Variants in CCDC146 observed in about 807,000 individuals in gnomAD.
CCDC146 encodes the protein coiled-coil domain-containing protein 146.
Under a neutral mutation model 119.3 loss-of-function variants are expected in CCDC146, and 92 were observed. The ratio of observed to expected loss-of-function variants is 0.77; its 90% CI spans 0.65 to 0.92. The LOEUF (loss-of-function observed/expected upper bound fraction) is 0.92, where lower values mean the gene tolerates loss of function less well. CCDC146 is among the 40% of genes least tolerant of loss of function. CCDC146 has a pLI of 0.00. For missense variants in CCDC146, 1,000 were observed against 1,103.0 expected, an observed-to-expected ratio of 0.91 and a Z score of 1.32; for synonymous variants, 372 against 371.8, an observed-to-expected ratio of 1.00 and a Z score of -0.01.
At position 77,192,908 on chromosome 7, in the gene CCDC146, G is replaced by A. The variant is rs142502501; in HGVS notation, c.156+25084G>A. On this transcript the variant is annotated intron_variant, in intron 2 of 18. Transcript: ENST00000285871. Reference sequence around the variant, plus strand: ...ATTGCACTCCAGCCTGGGCGACAGAGTGAGACTCCGTCTCTAAAAAAAATA... The same window carrying A: ...ATTGCACTCCAGCCTGGGCGACAGAATGAGACTCCGTCTCTAAAAAAAATA... 9.3e-3 allele frequency among the ~76,000 whole-genome samples: 1,412 copies of A among 152,178 alleles called. 17 individuals are homozygous for A. Among genetic ancestry groups the A allele is most frequent in the African/African-American group, 0.031 (1,306 of 41,506 alleles).
chr7:77,160,906 C>A (rs1791250961), intron 1 of CCDC146, among the ~76,000 whole-genome samples: 1 of 152,090 alleles, frequency 6.6e-6, no homozygotes, highest in South Asian at 2.1e-4. Flanking sequence ...GGGCTAATAT[C>A]CAGAATCTAC....
intron 11 of CCDC146, among the ~76,000 whole-genome samples, 158 bp from the exon 12 acceptor site, chr7:77,278,594 C>T (rs1005193417): frequency 7.2e-5 from 11 of 151,856 alleles, no homozygotes; most frequent in African/African-American, 2.7e-4. Context: ...TACAGGTGCA[C>T]ACCACCATAC....
At position 77,169,426 on chromosome 7, in the gene CCDC146, TA is replaced by T. The variant is rs1791384512; in HGVS notation, c.156+1603del. On this transcript the variant is annotated intron_variant, in intron 2 of 18. Transcript: ENST00000285871. ...ATACTCTGAGACTATGTGGTTGTCTTACTCCTCTTAAAATTTTCACCTACAA... is the reference window on the plus strand; with the variant it reads ...ATACTCTGAGACTATGTGGTTGTCTTCTCCTCTTAAAATTTTCACCTACAA... Among the ~76,000 whole-genome samples, 3 of 152,218 alleles carry T rather than the reference TA, an allele frequency of 2.0e-5. No individual in the cohort carries two copies. In the South Asian group the frequency reaches 6.2e-4, roughly 31 times the overall value.
chr7:77,186,150 C>T (rs1204079750), intron 2 of CCDC146, among the ~76,000 whole-genome samples: 2 of 151,994 alleles, frequency 1.3e-5, no homozygotes, highest in Admixed American at 6.6e-5. Context: ...GGTATATACC[C>T]GAAAGAAAGG....
chr7:77,181,259 T>C (rs1367853311), intron 2 of CCDC146, among the ~76,000 whole-genome samples: 2 of 152,078 alleles, frequency 1.3e-5, no homozygotes, highest in Non-Finnish European at 2.9e-5. Context: ...AGGCTTAGGA[T>C]TGGCTAGTTT....
intron 11 of CCDC146, among the ~76,000 whole-genome samples, chr7:77,277,184 C>T (rs559514641): frequency 6.6e-6 from 1 of 152,306 alleles, no homozygotes; most frequent in Admixed American, 6.5e-5. Context: ...TTGGTGTTGG[C>T]TGGGAAGATC....
chr7:77,237,541 T>C (rs1792760772), intron 3 of CCDC146, among the ~76,000 whole-genome samples: 1 of 152,178 alleles, frequency 6.6e-6, no homozygotes, highest in Non-Finnish European at 1.5e-5. Context: ...AGGATTCTGG[T>C]GGGACACTGA....
chr7:77,238,063 A>G (rs190213034), intron 3 of CCDC146, among the ~76,000 whole-genome samples: 80 of 152,350 alleles, frequency 5.3e-4, no homozygotes, highest in African/African-American at 1.8e-3. Flanking sequence ...ATGAGGGAAG[A>G]GTGAACAACT....
intron 15 of CCDC146, among the ~76,000 whole-genome samples, chr7:77,283,989 C>T (rs1793806603): frequency 6.6e-6 from 1 of 152,068 alleles, no homozygotes; most frequent in Non-Finnish European, 1.5e-5. Context: ...CCCTAAACTC[C>T]CACAGGCCTC....
intron 15 of CCDC146, among the ~76,000 whole-genome samples, chr7:77,284,317 C>A (rs892979933): frequency 2.6e-5 from 4 of 152,032 alleles, no homozygotes; most frequent in Admixed American, 1.3e-4. Flanking sequence ...TGTACCACAC[C>A]CTTGCCTAGC....
rs1329692528 is a variant in CCDC146, at chr7:77,262,251, GTGTCCTGGGA to G, written c.1120_1129del (p.Ser374HisfsTer14). ...AAGAAAGATGGAACTGCTCTTGAAA[GTGTCCTGGGA>G]TGCACTTAGGCAAACTCAAGCACTG... On this transcript the variant is annotated frameshift_variant, in exon 9 of 19. Coordinates refer to ENST00000285871, the MANE Select transcript of CCDC146 (RefSeq NM_020879.3). LOFTEE classifies it high-confidence loss of function. 1.2e-6 allele frequency: 2 copies of G among 1,613,950 alleles called. No homozygotes were observed. The highest frequency in any genetic ancestry group is 2.7e-5 in the African/African-American group (2 of 74,918).
chr7:77,258,926 T>G (rs932767376), intron 6 of CCDC146, 69 bp from the exon 7 acceptor site: 5 of 1,020,650 alleles, frequency 4.9e-6, no homozygotes, highest in Non-Finnish European at 7.6e-6. Context: ...CTCTCATATT[T>G]AATTTTCTTG....
intron 15 of CCDC146, 101 bp from the exon 16 acceptor site, chr7:77,286,697 G>T: frequency 2.7e-6 from 3 of 1,092,628 alleles, no homozygotes; most frequent in Non-Finnish European, 4.1e-6. Flanking sequence ...CCCTTGTCTG[G>T]GTTGGTCCTA....
At chr7:77,244,981 C>T (rs1792921302) in intron 4 of CCDC146, among the ~76,000 whole-genome samples, 1 of 152,224 alleles carries the variant, frequency 6.6e-6, no homozygotes, top group Admixed American at 6.5e-5. Flanking sequence ...ACCCCAATAT[C>T]TTCAGGAACT....
At chr7:77,218,668 A>G (rs1792343636) in intron 2 of CCDC146, among the ~76,000 whole-genome samples, 2 of 150,880 alleles carry the variant, frequency 1.3e-5, no homozygotes, top group South Asian at 2.1e-4. Context: ...GCACAATCAC[A>G]ACTCACTGCA....
chr7:77,191,717 G>A lies in CCDC146; in HGVS notation c.156+23893G>A, dbSNP rs556137542. The stretch of plus-strand genomic sequence containing the variant: ...AGGTCAGGAGATCGAGACCATCCTG[G>A]CTAACACGGTGAAACCCAGTCTCTA... On this transcript the variant is annotated intron_variant, in intron 2 of 18. Transcript: ENST00000285871. 3.9e-5 allele frequency among the ~76,000 whole-genome samples: 6 copies of A among 152,070 alleles called. No individual in the cohort carries two copies. The South Asian group carries it at 8.3e-4, about 21-fold the overall frequency.
At chr7:77,128,208 ATT>A (rs1336398585) in intron 1 of CCDC146, among the ~76,000 whole-genome samples, 1 of 151,814 alleles carries the variant, frequency 6.6e-6, no homozygotes, top group Non-Finnish European at 1.5e-5. Context: ...ATAAATTTTT[ATT>A]TATAGCTCAT....
Position 77,196,569 on chromosome 7 carries a change from G to A in CCDC146, c.156+28745G>A, listed in dbSNP as rs1447926721. On this transcript the variant is annotated intron_variant, in intron 2 of 18. Transcript: ENST00000285871. This position sits in a 1 kb window ranked among gnomAD's most constrained non-coding sequence, Gnocchi z 4.2. ...TCGTGGTTGTAATGTTTGTTGAAACGTAATGCATCTCCAGCTGTGCCATTA... is the reference window on the plus strand; with the variant it reads ...TCGTGGTTGTAATGTTTGTTGAAACATAATGCATCTCCAGCTGTGCCATTA... 10 of 1,613,978 alleles carry A rather than the reference G, an allele frequency of 6.2e-6. No individual in the cohort carries two copies. The highest frequency in any genetic ancestry group is 1.3e-5 in the African/African-American group (1 of 74,904).
intron 2 of CCDC146, among the ~76,000 whole-genome samples, chr7:77,232,520 T>A (rs559048605): frequency 6.6e-6 from 1 of 152,342 alleles, no homozygotes; most frequent in South Asian, 2.1e-4. Context: ...CTGTTATTTT[T>A]TACATTGCTC....
Sources: allele counts gnomAD v4.1 joint callset (sites outside exome capture counted in the v4.1 genomes callset), GRCh38; gene constraint gnomAD v4.1.1; non-coding constraint Gnocchi (gnomAD v3.1); transcripts MANE v1.5; gene names NCBI Gene and HGNC (gene_info 2026-07-23, HGNC 2026-07-21).